Variants in SLC28A3 observed in about 807,000 individuals in gnomAD.
SLC28A3 encodes the protein concentrative Na(+)-nucleoside cotransporter 3.
SLC28A3 carries 68 observed loss-of-function variants against 84.2 expected under a neutral mutation model. The observed-to-expected ratio is 0.81, with a 90% CI of 0.66 to 0.99. The LOEUF is 0.99. Among genes scored for constraint, SLC28A3 ranks in the 50% least tolerant of loss-of-function variants. The pLI, the probability that SLC28A3 is intolerant of heterozygous loss-of-function variation, is 0.00. For missense variants in SLC28A3, 712 were observed against 841.5 expected (o/e 0.85, Z 1.90); for synonymous variants, 267 against 303.6 (o/e 0.88, Z 1.25).
At chr9:84,282,807 C>T (rs758145503) in intron 14 of SLC28A3, among the ~76,000 whole-genome samples, 27 of 152,126 alleles carry the variant, frequency 1.8e-4, no homozygotes, top group Non-Finnish European at 3.1e-4. Context: ...AAGAACAAAC[C>T]GAGCAATGCT....
chr9:84,337,457 T>C, intron 1 of SLC28A3, among the ~76,000 whole-genome samples: 1 of 149,082 alleles, frequency 6.7e-6, no homozygotes, highest in African/African-American at 2.5e-5. Flanking sequence ...CGCGTGTGTG[T>C]ATGCGTATGT....
intron 2 of SLC28A3, among the ~76,000 whole-genome samples, 165 bp from the exon 3 acceptor site, chr9:84,309,879 C>A (rs532854321): frequency 6.6e-6 from 1 of 151,888 alleles, no homozygotes; most frequent in Non-Finnish European, 1.5e-5. Context: ...TTTTTTTTCC[C>A]GGCTTATAAT....
intron 2 of SLC28A3, among the ~76,000 whole-genome samples, chr9:84,312,369 G>A (rs1164182788): frequency 2.6e-5 from 4 of 151,930 alleles, no homozygotes; most frequent in African/African-American, 9.7e-5. Flanking sequence ...CATTAAAAAA[G>A]GCTGTGTTCC....
chr9:84,303,104 G>T (rs1417326105), intron 4 of SLC28A3, among the ~76,000 whole-genome samples: 2 of 152,108 alleles, frequency 1.3e-5, no homozygotes, highest in African/African-American at 4.8e-5. Flanking sequence ...CTTGGCCAAG[G>T]GGATCCCAGA....
the SLC28A3 span, among the ~76,000 whole-genome samples, chr9:84,367,443 T>C: frequency 3.3e-3 from 509 of 152,268 alleles, 3 homozygotes; most frequent in Middle Eastern, 0.014. Flanking sequence ...AGGCCCTTGA[T>C]TGAAGGGGTC....
chr9:84,325,401 T>A (rs548080410), intron 1 of SLC28A3, among the ~76,000 whole-genome samples: 3 of 152,310 alleles, frequency 2.0e-5, no homozygotes, highest in South Asian at 2.1e-4. Context: ...ATGAATGAAA[T>A]CATAAAAGTA....
intron 4 of SLC28A3, among the ~76,000 whole-genome samples, chr9:84,304,966 G>A (rs2118337760): frequency 6.6e-6 from 1 of 152,254 alleles, no homozygotes; most frequent in East Asian, 1.9e-4. Context: ...AGGTTGCAGT[G>A]AGCTGAGATG....
chr9:84,284,036 A>G (rs1056467078), intron 14 of SLC28A3, among the ~76,000 whole-genome samples: 13 of 152,174 alleles, frequency 8.5e-5, no homozygotes, highest in Admixed American at 6.5e-5. Flanking sequence ...AAACTCAATC[A>G]GCTCTACTGT....
chr9:84,306,041 A>C (rs1825777964), intron 3 of SLC28A3, among the ~76,000 whole-genome samples: 1 of 152,122 alleles, frequency 6.6e-6, no homozygotes. Flanking sequence ...GATCGTGTCC[A>C]GCAGTTCCCC....
At chr9:84,350,554 G>GA in the SLC28A3 span, among the ~76,000 whole-genome samples, 1 of 152,180 alleles carries the variant, frequency 6.6e-6, no homozygotes, top group Non-Finnish European at 1.5e-5. Flanking sequence ...GAACTTACAG[G>GA]ACTAGGTTCT....
rs1176605888 is a variant in SLC28A3, at chr9:84,288,032, A to G, written c.1280+16T>C. ...GGCTTGGGTAGTCATTAATTAGGTGAATGTGTCACACTTACCCACTTTCCA... is the reference window on the plus strand; with the variant it reads ...GGCTTGGGTAGTCATTAATTAGGTGGATGTGTCACACTTACCCACTTTCCA... On this transcript the variant is annotated intron_variant, in intron 12 of 17. Coordinates refer to ENST00000376238, the MANE Select transcript of SLC28A3 (RefSeq NM_001199633.2). 1 of 1,613,558 alleles carries G rather than the reference A, an allele frequency of 6.2e-7. No individual in the cohort carries two copies.
intron 1 of SLC28A3, among the ~76,000 whole-genome samples, chr9:84,335,712 C>CGTGTGTGTGTGTGTGTGTGTGTGT (rs56259271): frequency 6.7e-6 from 1 of 148,824 alleles, no homozygotes; most frequent in African/African-American, 2.5e-5. Context: ...TATGTATATA[C>CGTGTGTGTGTGTGTGTGTGTGTGT]GTGTGTGTGT....
intron 1 of SLC28A3, among the ~76,000 whole-genome samples, chr9:84,324,451 C>T (rs903401476): frequency 3.9e-5 from 6 of 152,150 alleles, no homozygotes; most frequent in South Asian, 2.1e-4. Flanking sequence ...CAAGACCAGC[C>T]TGGGTAACGT....
At chr9:84,296,181 C>T (rs182745466) in intron 8 of SLC28A3, among the ~76,000 whole-genome samples, 218 of 152,260 alleles carry the variant, frequency 1.4e-3, no homozygotes, top group African/African-American at 4.7e-3. Flanking sequence ...TTCTATCTCA[C>T]TCTATAAACA....
At chr9:84,343,394 A>C (rs1468239629), upstream of SLC28A3, among the ~76,000 whole-genome samples, 7 of 152,140 alleles carry the variant, frequency 4.6e-5, no homozygotes, top group African/African-American at 1.7e-4. Flanking sequence ...TGCATATCTC[A>C]CATAGCTCAG....
upstream of SLC28A3, among the ~76,000 whole-genome samples, chr9:84,344,527 T>C (rs1827219596): frequency 6.6e-6 from 1 of 152,120 alleles, no homozygotes; most frequent in South Asian, 2.1e-4. Context: ...CATGACTTAC[T>C]TTCAAACCTG....
the SLC28A3 span, among the ~76,000 whole-genome samples, chr9:84,366,796 C>T: frequency 2.6e-5 from 4 of 152,218 alleles, no homozygotes; most frequent in Admixed American, 1.3e-4. Flanking sequence ...GACACAAGCA[C>T]CTCTGTGGCC....
chr9:84,279,955 C>T lies in SLC28A3; in HGVS notation c.1828+20G>A. The T allele has an allele frequency of 6.2e-7, 1 of 1,611,686 alleles. No individual in the cohort carries two copies. The highest frequency in any genetic ancestry group is 1.1e-5 in the South Asian group (1 of 90,748). On this transcript the variant is annotated intron_variant, in intron 16 of 17. Transcript: ENST00000376238. The stretch of plus-strand genomic sequence containing the variant: ...CATTCATCCTGTGGGCACTGGGACA[C>T]AAAGGACAGGGTGCGGTACCTGCGA...
At chr9:84,304,850 T>C (rs569899606) in intron 4 of SLC28A3, among the ~76,000 whole-genome samples, 4 of 152,236 alleles carry the variant, frequency 2.6e-5, no homozygotes, top group Non-Finnish European at 5.9e-5. Flanking sequence ...AGTGAAACCC[T>C]GTCTCTACTA....
Sources: gnomAD v4.1 joint callset for allele counts (sites outside exome capture counted in the v4.1 genomes callset) on GRCh38, gnomAD v4.1.1 for gene constraint, MANE v1.5 for transcripts, NCBI Gene and HGNC (gene_info 2026-07-23, HGNC 2026-07-21) for gene names.